The following ARHGEF12 variants were observed in gnomAD, a reference collection of about 807,000 sequenced individuals.
The protein encoded by ARHGEF12 is Rho guanine nucleotide exchange factor 12.
ARHGEF12 carries 66 observed loss-of-function variants against 211.2 expected under a neutral mutation model. The ratio of observed to expected loss-of-function variants is 0.31; its 90% CI spans 0.26 to 0.38. ARHGEF12 has a LOEUF of 0.38. Among genes scored for constraint, ARHGEF12 ranks in the 10% least tolerant of loss-of-function variants. ARHGEF12 has a pLI of 1.00. For missense variants in ARHGEF12, 1,429 were observed against 1,869.5 expected (o/e 0.76, Z 4.34); for synonymous variants, 592 against 638.4 (o/e 0.93, Z 1.09).
chr11:120,384,198 T>C (rs931358545), intron 1 of ARHGEF12, among the ~76,000 whole-genome samples: 1 of 152,232 alleles, frequency 6.6e-6, no homozygotes, highest in African/African-American at 2.4e-5. Flanking sequence ...ACAAGGCGAC[T>C]GCCTTTGCCA....
intron 18 of ARHGEF12, chr11:120,447,360 T>G (rs1312464445): frequency 9.0e-6 from 3 of 332,502 alleles, no homozygotes; most frequent in Non-Finnish European, 1.6e-5. Context: ...TATTTTCAAT[T>G]TATAGGCCTT....
intron 1 of ARHGEF12, among the ~76,000 whole-genome samples, chr11:120,347,159 C>CTTTCTTTTT (rs1565417015): frequency 1.2e-4 from 9 of 72,932 alleles, no homozygotes; most frequent in Non-Finnish European, 2.7e-5. Context: ...TTCCTTCCTT[C>CTTTCTTTTT]CTTCCTTCCT....
At chr11:120,346,528 G>T (rs975959454) in intron 1 of ARHGEF12, among the ~76,000 whole-genome samples, 1 of 152,210 alleles carries the variant, frequency 6.6e-6, no homozygotes. Context: ...GTGGGGTAAG[G>T]ATGTATAGTC....
chr11:120,465,437 TGACTAA>T (rs1182108762), intron 28 of ARHGEF12, 75 bp downstream of exon 28: 9 of 1,566,176 alleles, frequency 5.7e-6, no homozygotes, highest in Non-Finnish European at 7.8e-6. Context: ...GGGGGAATTC[TGACTAA>T]GACTTTTACA....
intron 23 of ARHGEF12, chr11:120,457,520 A>G (rs1946398570): frequency 2.2e-6 from 1 of 451,584 alleles, no homozygotes; most frequent in South Asian, 8.5e-5. Flanking sequence ...TAAAAGAACT[A>G]AAACACCATT....
At chr11:120,435,501 C>A (rs1945665615) in intron 11 of ARHGEF12, among the ~76,000 whole-genome samples, 1 of 150,484 alleles carries the variant, frequency 6.6e-6, no homozygotes, top group African/African-American at 2.4e-5. Flanking sequence ...ATTATAACGT[C>A]CCCTGTCAAG....
intron 30 of ARHGEF12, among the ~76,000 whole-genome samples, chr11:120,472,074 C>T: frequency 6.6e-6 from 1 of 152,036 alleles, no homozygotes; most frequent in Admixed American, 6.6e-5. Flanking sequence ...AATGAAATAA[C>T]TCTCTATATG....
At chr11:120,370,419 G>A (rs574229284) in intron 1 of ARHGEF12, among the ~76,000 whole-genome samples, 18 of 152,014 alleles carry the variant, frequency 1.2e-4, no homozygotes, top group African/African-American at 4.3e-4. Context: ...TCCTTACCTT[G>A]TTTTTCTTCT....
chr11:120,459,315 T>G lies in ARHGEF12; in HGVS notation c.2522T>G (p.Leu841Arg). Residue 841 changes from leucine to arginine, a missense_variant, in exon 26 of 41, where the codon CTT (leucine) becomes CGT (arginine). Physicochemically the swap from Leu to Arg is moderately radical, Grantham distance 102. Around this residue, in one of 7 missense-constraint regions of ARHGEF12, gnomAD observed 223 missense variants for 444.6 expected, o/e 0.50. Transcript: ENST00000397843. The part of the protein sequence containing the change: ...IFSNLEDILQ[L>R]HIGLNEQMKA... ...TCAAACTTGGAAGATATTCTTCAACTTCATAGTAAGAGAAATTAGCTCTGA... is the reference window on the plus strand; with the variant it reads ...TCAAACTTGGAAGATATTCTTCAACGTCATAGTAAGAGAAATTAGCTCTGA... The G allele has an allele frequency of 6.2e-7, 1 of 1,612,368 alleles. No homozygotes were observed. The highest frequency in any genetic ancestry group is 2.2e-5 in the East Asian group (1 of 44,768).
intron 1 of ARHGEF12, among the ~76,000 whole-genome samples, chr11:120,390,307 T>A (rs1027073482): frequency 6.6e-6 from 1 of 152,244 alleles, no homozygotes; most frequent in African/African-American, 2.4e-5. Context: ...AATCATTTCC[T>A]TCATGCTCCT....
At chr11:120,342,267 A>G (rs955716858) in intron 1 of ARHGEF12, among the ~76,000 whole-genome samples, 1 of 152,190 alleles carries the variant, frequency 6.6e-6, no homozygotes, top group Non-Finnish European at 1.5e-5. Context: ...CTAATTTTAA[A>G]TATCTCTTGA....
intron 11 of ARHGEF12, among the ~76,000 whole-genome samples, chr11:120,436,814 A>G (rs922755576): frequency 3.9e-5 from 6 of 152,180 alleles, no homozygotes; most frequent in African/African-American, 1.4e-4. Context: ...ACAAACACTG[A>G]AGAACAACTG....
In ARHGEF12 at chr11:120,431,875, T is replaced by C. The variant is rs768374783; in HGVS notation, c.888T>C (p.Ser296=). The C allele has an allele frequency of 1.2e-6, 2 of 1,612,522 alleles. No homozygotes were observed. Among genetic ancestry groups the C allele is most frequent in the African/African-American group, 1.3e-5 (1 of 74,864 alleles). The part of the protein sequence containing the change: ...GDVLGRTDCS[S]GDASRPSSDN... ...TACTGGGCAGGACTGACTGTAGCAG[T>C]GGAGATGCTTCTCGGCCCAGTAGTG... The change falls in exon 11 of 41, where the codon AGT becomes AGC. Residue 296 remains serine, a synonymous_variant. Transcript: ENST00000397843.
chr11:120,483,742 G>C (rs1947323103), intron 39 of ARHGEF12, among the ~76,000 whole-genome samples: 1 of 152,118 alleles, frequency 6.6e-6, no homozygotes, highest in South Asian at 2.1e-4. Flanking sequence ...AGCCTCCCCA[G>C]TAGCTGGGAC....
chr11:120,419,125 A>G (rs1945111526), intron 4 of ARHGEF12, among the ~76,000 whole-genome samples: 1 of 151,664 alleles, frequency 6.6e-6, no homozygotes, highest in Admixed American at 6.6e-5. Context: ...ACGTTCGGCT[A>G]ATTTTTTTGT....
intron 1 of ARHGEF12, among the ~76,000 whole-genome samples, chr11:120,373,019 C>A (rs1365286983): frequency 8.2e-6 from 1 of 121,946 alleles, no homozygotes; most frequent in Non-Finnish European, 1.8e-5. Context: ...TAAACTGAAA[C>A]AAGATTTTTT....
At chr11:120,449,082 CTCTTA>C in intron 20 of ARHGEF12, 22 bp from the exon 21 acceptor site, 3 of 1,587,532 alleles carry the variant, frequency 1.9e-6, no homozygotes, top group Non-Finnish European at 2.6e-6. Flanking sequence ...TGTTACGTAT[CTCTTA>C]TTTTTTGTAC....
At chr11:120,346,104 A>AATAGTTAAT (rs1355814027) in intron 1 of ARHGEF12, among the ~76,000 whole-genome samples, 11 of 152,216 alleles carry the variant, frequency 7.2e-5, no homozygotes, top group Admixed American at 5.2e-4. Context: ...CATAGGTAAC[A>AATAGTTAAT]ATAGTTAATT....
At chr11:120,428,575 G>A (rs555174430) in intron 8 of ARHGEF12, among the ~76,000 whole-genome samples, 4 of 152,172 alleles carry the variant, frequency 2.6e-5, no homozygotes, top group African/African-American at 7.2e-5. Flanking sequence ...TTACTGTTAC[G>A]TTTCCAGTAC....
Sources: allele counts gnomAD v4.1 joint callset (sites outside exome capture counted in the v4.1 genomes callset), GRCh38; gene constraint gnomAD v4.1.1; regional missense constraint gnomAD v4.1.1; transcripts MANE v1.5; gene names NCBI Gene and HGNC (gene_info 2026-07-23, HGNC 2026-07-21).